The following DOCK4 variants were observed in gnomAD, a reference collection of about 807,000 sequenced individuals.
DOCK4 encodes dedicator of cytokinesis 4.
In DOCK4, 97 loss-of-function variants were observed where a neutral mutation model predicts 268.1. The observed-to-expected ratio is 0.36, with a 90% confidence interval of 0.31 to 0.43. The LOEUF (loss-of-function observed/expected upper bound fraction) is 0.43. DOCK4 is among the 20% of genes least tolerant of loss of function. DOCK4 has a pLI of 1.00. For synonymous variants in DOCK4, 954 were observed against 887.2 expected, an observed-to-expected ratio of 1.08 and a Z score of -1.34; for missense variants, 2,145 against 2,455.7, an observed-to-expected ratio of 0.87 and a Z score of 2.67.
intron 12 of DOCK4, among the ~76,000 whole-genome samples, chr7:111,926,248 T>C (rs1793644941): frequency 7.1e-6 from 1 of 140,092 alleles, no homozygotes; most frequent in East Asian, 2.1e-4. Context: ...TAAAACCCCA[T>C]CTCTACTAAA....
At chr7:111,829,137 C>T (rs1245364152) in intron 26 of DOCK4, among the ~76,000 whole-genome samples, 1 of 152,004 alleles carries the variant, frequency 6.6e-6, no homozygotes, top group East Asian at 1.9e-4. Flanking sequence ...ACTTTCTAAC[C>T]TAAATGTACA....
chr7:111,868,154 C>T lies in DOCK4; in HGVS notation c.2110G>A (p.Ala704Thr). 1 of 1,565,872 alleles carries T rather than the reference C, an allele frequency of 6.4e-7. No individual in the cohort carries two copies. Among genetic ancestry groups the T allele is most frequent in the Non-Finnish European group, 8.6e-7 (1 of 1,158,054 alleles). Residue 704 changes from alanine (A) to threonine (T), a missense_variant and splice_region_variant, in exon 22 of 53, where the codon GCA (alanine) becomes ACA (threonine). By Grantham distance (58) the Ala-to-Thr change is moderately conservative (BLOSUM62 0). Around this residue, in one of 2 missense-constraint regions of DOCK4, gnomAD observed 1,598 missense variants for 1,986.7 expected, o/e 0.80. Coordinates refer to ENST00000428084, the MANE Select transcript of DOCK4 (RefSeq NM_001363540.2). ...ATATACTTAAAAATGTATTCTTGTG[C>T]CTTAAAAATACAATTTTTAAAAGTT... The part of the protein sequence containing the change: ...RQEHIQEVLK[A>T]QEYIFKYIVQ...
intron 1 of DOCK4, among the ~76,000 whole-genome samples, chr7:112,081,660 A>T (rs1163789134): frequency 4.6e-5 from 7 of 152,158 alleles, no homozygotes; most frequent in Middle Eastern, 3.2e-3. Flanking sequence ...GTAGACAGAA[A>T]AATAAACAAA....
chr7:111,986,539 T>C (rs575679625), intron 6 of DOCK4, among the ~76,000 whole-genome samples: 1 of 152,072 alleles, frequency 6.6e-6, no homozygotes, highest in East Asian at 1.9e-4. Context: ...ATGAGGCAAG[T>C]AGGGAAGAGA....
intron 1 of DOCK4, among the ~76,000 whole-genome samples, chr7:112,066,175 C>T (rs886580068): frequency 6.6e-6 from 1 of 152,110 alleles, no homozygotes; most frequent in Non-Finnish European, 1.5e-5. Flanking sequence ...GGGCTGCACC[C>T]TCACCCACTG....
chr7:111,799,887 A>G (rs892811296), intron 30 of DOCK4, among the ~76,000 whole-genome samples: 1 of 152,218 alleles, frequency 6.6e-6, no homozygotes, highest in African/African-American at 2.4e-5. Context: ...ACTCTTGTGG[A>G]AACTGTTATC....
chr7:111,884,234 C>A (rs1369458886), intron 16 of DOCK4, among the ~76,000 whole-genome samples: 3 of 152,188 alleles, frequency 2.0e-5, no homozygotes, highest in African/African-American at 7.2e-5. Context: ...GCAATCCAAG[C>A]AACTACCTTT....
At chr7:111,926,393 T>C (rs10249136) in intron 12 of DOCK4, among the ~76,000 whole-genome samples, 2,669 of 128,410 alleles carry the variant, frequency 0.021, 195 homozygotes, top group African/African-American at 0.081. Context: ...ATCACGCCAC[T>C]GCACTCCAGC....
intron 12 of DOCK4, among the ~76,000 whole-genome samples, chr7:111,928,177 G>A (rs1793889350): frequency 1.3e-5 from 2 of 152,078 alleles, no homozygotes; most frequent in South Asian, 4.1e-4. Context: ...GTCTTTTGTT[G>A]TTGGGGCTTA....
intron 1 of DOCK4, among the ~76,000 whole-genome samples, chr7:112,044,487 T>G (rs1437525378): frequency 6.6e-6 from 1 of 152,180 alleles, no homozygotes; most frequent in Non-Finnish European, 1.5e-5. Flanking sequence ...CTACTTAAAT[T>G]ATGTCTTAGT....
At chr7:111,949,916 T>C (rs1795919059) in intron 8 of DOCK4, among the ~76,000 whole-genome samples, 1 of 152,202 alleles carries the variant, frequency 6.6e-6, no homozygotes, top group South Asian at 2.1e-4. Flanking sequence ...TCAATAATAC[T>C]GCATTCTTTT....
At chr7:111,863,932 T>C (rs1805763856) in intron 22 of DOCK4, among the ~76,000 whole-genome samples, 1 of 152,238 alleles carries the variant, frequency 6.6e-6, no homozygotes, top group Non-Finnish European at 1.5e-5. Flanking sequence ...AGAAGCTTTC[T>C]GAAATGCTCA....
intron 1 of DOCK4, among the ~76,000 whole-genome samples, chr7:112,060,194 A>G (rs907818510): frequency 3.3e-5 from 5 of 152,212 alleles, no homozygotes; most frequent in African/African-American, 9.6e-5. Flanking sequence ...AAAGGTCAAA[A>G]GCAAAATCTA....
At chr7:112,098,399 A>C (rs773406660) in intron 1 of DOCK4, among the ~76,000 whole-genome samples, 2 of 151,868 alleles carry the variant, frequency 1.3e-5, no homozygotes, top group African/African-American at 2.4e-5. Flanking sequence ...GGCTGGTCTC[A>C]AACTCCTGAC....
intron 1 of DOCK4, among the ~76,000 whole-genome samples, chr7:112,161,133 G>T (rs1028423510): frequency 1.3e-5 from 2 of 152,086 alleles, no homozygotes; most frequent in African/African-American, 4.8e-5. Flanking sequence ...CCTGGCGACC[G>T]CTAGTCAGTC....
At chr7:111,960,943 T>C (rs200317708) in intron 8 of DOCK4, among the ~76,000 whole-genome samples, 7 of 152,224 alleles carry the variant, frequency 4.6e-5, no homozygotes, top group Non-Finnish European at 4.4e-5. Flanking sequence ...TGGACACTTA[T>C]GTTGACTCCA....
At chr7:112,165,186 G>A (rs569668322) in intron 1 of DOCK4, among the ~76,000 whole-genome samples, 7 of 152,164 alleles carry the variant, frequency 4.6e-5, no homozygotes, top group Admixed American at 6.5e-5. Flanking sequence ...TAGGGTGCCC[G>A]TCACCAGAGC....
At chr7:112,147,913 C>A (rs187940422) in intron 1 of DOCK4, among the ~76,000 whole-genome samples, 1 of 148,896 alleles carries the variant, frequency 6.7e-6, no homozygotes, top group African/African-American at 2.5e-5. Flanking sequence ...CAACTCCCTA[C>A]TTCCCCATCT....
intron 1 of DOCK4, among the ~76,000 whole-genome samples, chr7:112,073,869 TTATAATTTATTATA>T (rs781283875): frequency 1.3e-5 from 2 of 152,100 alleles, no homozygotes; most frequent in Non-Finnish European, 2.9e-5. Context: ...AGGTGGTTAA[TTATAATTTATTATA>T]TATTTTCAGA....
Sources: allele counts gnomAD v4.1 joint callset (sites outside exome capture counted in the v4.1 genomes callset), GRCh38; gene constraint gnomAD v4.1.1; regional missense constraint gnomAD v4.1.1; transcripts MANE v1.5; gene names NCBI Gene and HGNC (gene_info 2026-07-23, HGNC 2026-07-21).